The following VPS13B variants were observed in gnomAD, a reference collection of about 807,000 sequenced individuals.
The protein encoded by VPS13B is intermembrane lipid transfer protein VPS13B.
VPS13B carries 285 observed loss-of-function variants against 426.4 expected under a neutral mutation model. The ratio of observed to expected loss-of-function variants is 0.67; its 90% CI spans 0.61 to 0.74. The LOEUF (loss-of-function observed/expected upper bound fraction) is 0.74, where lower values mean the gene tolerates loss of function less well. Among genes scored for constraint, VPS13B ranks in the 30% least tolerant of loss-of-function variants. The probability of loss-of-function intolerance (pLI) is 0.00; values close to 1 mark genes in which losing one functional copy is unlikely to be tolerated. For missense variants in VPS13B, 4,537 were observed against 4,782.6 expected (o/e 0.95, Z 1.51); for synonymous variants, 1,676 against 1,676.4 (o/e 1.00, Z 0.01).
chr8:99,658,479 G>A (rs946994223), intron 34 of VPS13B, among the ~76,000 whole-genome samples: 2 of 152,060 alleles, frequency 1.3e-5, no homozygotes, highest in African/African-American at 2.4e-5. Flanking sequence ...ACTGTCTTAT[G>A]TCAACCATAT....
chr8:99,261,431 C>G (rs886267310), intron 17 of VPS13B, among the ~76,000 whole-genome samples: 2 of 151,994 alleles, frequency 1.3e-5, no homozygotes, highest in South Asian at 4.1e-4. Flanking sequence ...AATAATATTT[C>G]TTGTCTGGAT....
At chr8:99,867,978 C>A in intron 58 of VPS13B, 1 of 368,708 alleles carries the variant, frequency 2.7e-6, no homozygotes, top group South Asian at 2.2e-5. Flanking sequence ...AACTTTGTTG[C>A]CTGACTTCTG....
intron 30 of VPS13B, among the ~76,000 whole-genome samples, chr8:99,541,162 T>C (rs960353312): frequency 5.3e-5 from 8 of 152,174 alleles, no homozygotes; most frequent in Non-Finnish European, 7.3e-5. Flanking sequence ...AAGAATATTG[T>C]TTTCTGGTAT....
intron 29 of VPS13B, among the ~76,000 whole-genome samples, chr8:99,519,895 A>G (rs1399283484): frequency 6.6e-6 from 1 of 152,150 alleles, no homozygotes; most frequent in African/African-American, 2.4e-5. Flanking sequence ...GCACATGTAT[A>G]CATATGTAAC....
chr8:99,295,988 G>A (rs1055802399), intron 19 of VPS13B, among the ~76,000 whole-genome samples: 3 of 152,032 alleles, frequency 2.0e-5, no homozygotes, highest in African/African-American at 7.2e-5. Flanking sequence ...AGCTCTGTTT[G>A]CATCACTCCA....
intron 59 of VPS13B, among the ~76,000 whole-genome samples, chr8:99,869,045 C>T (rs940387443): frequency 2.6e-5 from 4 of 152,228 alleles, no homozygotes; most frequent in African/African-American, 9.6e-5. Context: ...GGCCTCTCCC[C>T]GTGCAGCCGC....
chr8:99,382,165 A>G (rs926703985), intron 19 of VPS13B, among the ~76,000 whole-genome samples: 3 of 151,726 alleles, frequency 2.0e-5, no homozygotes, highest in Non-Finnish European at 4.4e-5. Context: ...TTGGCTGTCT[A>G]TTCTGTTCCA....
chr8:99,425,264 AAAG>A (rs1353530450), intron 21 of VPS13B, among the ~76,000 whole-genome samples: 1 of 152,180 alleles, frequency 6.6e-6, no homozygotes, highest in African/African-American at 2.4e-5. Context: ...CCCAACAAAA[AAAG>A]AGAATTTTAG....
At chr8:99,623,992 T>TAC in intron 33 of VPS13B, among the ~76,000 whole-genome samples, 1 of 57,078 alleles carries the variant, frequency 1.8e-5, no homozygotes, top group Non-Finnish European at 3.2e-5. Context: ...CTATGAAACA[T>TAC]ACATATATAT....
chr8:99,640,049 GAGAA>G (rs543552607), intron 33 of VPS13B, among the ~76,000 whole-genome samples: 20,061 of 97,384 alleles, frequency 0.21, 2,265 homozygotes, highest in East Asian at 0.24. Context: ...AGAAGAAGAA[GAGAA>G]AAGAAAAGAA....
chr8:99,728,277 T>C (rs2130386751), intron 39 of VPS13B, among the ~76,000 whole-genome samples: 1 of 152,328 alleles, frequency 6.6e-6, no homozygotes, highest in South Asian at 2.1e-4. Flanking sequence ...GCCCTTTTCA[T>C]TAAATGCCCC....
intron 34 of VPS13B, among the ~76,000 whole-genome samples, chr8:99,656,524 T>G (rs1419366298): frequency 6.6e-6 from 1 of 152,158 alleles, no homozygotes; most frequent in Non-Finnish European, 1.5e-5. Context: ...CATTCCCCAG[T>G]GTGTTGACCC....
rs533564762 is a variant in VPS13B, at chr8:99,538,420, A to G, written c.4745+17410A>G. 3.9e-5 allele frequency among the ~76,000 whole-genome samples: 6 copies of G among 151,998 alleles called. 1 individual carries two copies. Among genetic ancestry groups the G allele is most frequent in the African/African-American group, 1.4e-4 (6 of 41,454 alleles). ...GCTTTTGGGTTTTTTTAAAACTTTTATATCATTTGTTCACCCATTAGTCAT... is the reference window on the plus strand; with the variant it reads ...GCTTTTGGGTTTTTTTAAAACTTTTGTATCATTTGTTCACCCATTAGTCAT... On this transcript the variant is annotated intron_variant, in intron 30 of 61. Coordinates refer to ENST00000357162, the MANE Select transcript of VPS13B (RefSeq NM_152564.5).
chr8:99,014,419 G>A (rs1169088103), intron 2 of VPS13B, among the ~76,000 whole-genome samples: 1 of 151,874 alleles, frequency 6.6e-6, no homozygotes, highest in East Asian at 1.9e-4. Context: ...CGCCCGGCCT[G>A]CATAATTTTT....
At chr8:99,868,164 T>A (rs1817198500) in intron 58 of VPS13B, 125 bp from the exon 59 acceptor site, 1 of 1,193,578 alleles carries the variant, frequency 8.4e-7, no homozygotes, top group Non-Finnish European at 1.2e-6. Flanking sequence ...AAATGGGTAG[T>A]AAAGACCTTT....
chr8:99,529,533 G>C (rs1245301513), intron 30 of VPS13B, among the ~76,000 whole-genome samples: 1 of 152,034 alleles, frequency 6.6e-6, no homozygotes, highest in Non-Finnish European at 1.5e-5. Context: ...TTGTGACTGA[G>C]ACTTCCCTGA....
At chr8:99,354,407 C>G (rs1410445331) in intron 19 of VPS13B, among the ~76,000 whole-genome samples, 4 of 149,246 alleles carry the variant, frequency 2.7e-5, no homozygotes, top group Non-Finnish European at 5.9e-5. Context: ...CATCAGATTC[C>G]TGAGAGTGGT....
intron 24 of VPS13B, among the ~76,000 whole-genome samples, chr8:99,474,843 A>G (rs1014071633): frequency 2.0e-5 from 3 of 152,158 alleles, no homozygotes; most frequent in Non-Finnish European, 2.9e-5. Flanking sequence ...CTCCCTATGT[A>G]TTTCCTCTGA....
chr8:99,871,334 T>A, intron 60 of VPS13B, 114 bp from the exon 61 acceptor site: 1 of 1,495,136 alleles, frequency 6.7e-7, no homozygotes, highest in Non-Finnish European at 9.2e-7. Context: ...GGTAACTGGA[T>A]TGGTGAGGGC....
Sources: gnomAD v4.1 joint callset for allele counts (sites outside exome capture counted in the v4.1 genomes callset) on GRCh38, gnomAD v4.1.1 for gene constraint, MANE v1.5 for transcripts, NCBI Gene and HGNC (gene_info 2026-07-23, HGNC 2026-07-21) for gene names.